Variants in N4BP2 observed in about 807,000 individuals in gnomAD.
The protein encoded by N4BP2 is NEDD4 binding protein 2, also known as NEDD4-binding protein 2.
A neutral mutation model predicts 152.8 loss-of-function variants in N4BP2; 91 were observed. The observed-to-expected ratio is 0.60, with a 90% CI of 0.50 to 0.71. The LOEUF (loss-of-function observed/expected upper bound fraction) is 0.71, where lower values mean the gene tolerates loss of function less well. N4BP2 is among the 30% of genes least tolerant of loss of function. The pLI is 0.00. For synonymous variants in N4BP2, 646 were observed against 705.3 expected (o/e 0.92, Z 1.33); for missense variants, 1,923 against 2,059.1 (o/e 0.93, Z 1.28).
chr4:40,081,804 C>T (rs1194339004), intron 2 of N4BP2, among the ~76,000 whole-genome samples: 1 of 151,078 alleles, frequency 6.6e-6, no homozygotes, highest in East Asian at 2.0e-4. Flanking sequence ...GGTGAAACCC[C>T]ATCGCTACTA....
In N4BP2 at chr4:40,136,906, A is replaced by T; in HGVS notation, c.4647-38A>T. ...TTAATGTCCCACACAACTTATTTTC[A>T]TTTATTGACATTATGTTTCTACTTA... On this transcript the variant is annotated intron_variant, in intron 13 of 17. Transcript: ENST00000261435. 6 of 1,485,868 alleles carry T rather than the reference A, an allele frequency of 4.0e-6. 1 individual carries two copies. The South Asian group carries it at 7.3e-5, about 18-fold the overall frequency. 92.0% of individuals were successfully genotyped at this position (1,485,868 alleles called of 1,614,324 possible).
At chr4:40,129,092 C>A (rs533012383) in intron 12 of N4BP2, among the ~76,000 whole-genome samples, 1 of 152,112 alleles carries the variant, frequency 6.6e-6, no homozygotes, top group Non-Finnish European at 1.5e-5. Context: ...GGCTTTGTTA[C>A]AGGCTGGAGT....
chr4:40,084,804 A>G (rs1713772602), intron 2 of N4BP2, among the ~76,000 whole-genome samples: 1 of 150,460 alleles, frequency 6.6e-6, no homozygotes, highest in African/African-American at 2.4e-5. Flanking sequence ...TGGTAGAGAC[A>G]GGGTTTCTCC....
the N4BP2 span, among the ~76,000 whole-genome samples, chr4:40,187,192 A>T: frequency 1.3e-5 from 2 of 152,078 alleles, no homozygotes; most frequent in Non-Finnish European, 2.9e-5. Flanking sequence ...GTCAACTATA[A>T]AATTTCTCTT....
chr4:40,185,842 C>T, the N4BP2 span, among the ~76,000 whole-genome samples: 3 of 152,222 alleles, frequency 2.0e-5, no homozygotes, highest in East Asian at 1.9e-4. Flanking sequence ...ATAATGAGAA[C>T]GCAGCAGGCT....
intron 4 of N4BP2, among the ~76,000 whole-genome samples, chr4:40,103,516 A>G (rs1358127541): frequency 6.6e-6 from 1 of 152,200 alleles, no homozygotes; most frequent in East Asian, 1.9e-4. Context: ...TGGGAGAAAG[A>G]TGAGTTCAGC....
intron 5 of N4BP2, among the ~76,000 whole-genome samples, chr4:40,109,456 G>T (rs1281323205): frequency 6.6e-6 from 1 of 152,176 alleles, no homozygotes; most frequent in African/African-American, 2.4e-5. Flanking sequence ...GGTGGCTCAT[G>T]CCTGTAATTC....
At chr4:40,129,556 A>G (rs1035454040) in intron 12 of N4BP2, among the ~76,000 whole-genome samples, 6 of 152,068 alleles carry the variant, frequency 3.9e-5, no homozygotes, top group East Asian at 1.9e-4. Flanking sequence ...ATTGGGTAAT[A>G]TAATAGAAGC....
chr4:40,118,357 G>A (rs900964689), intron 8 of N4BP2, among the ~76,000 whole-genome samples: 4 of 152,052 alleles, frequency 2.6e-5, no homozygotes, highest in Admixed American at 1.3e-4. Flanking sequence ...CAGAGGTTGC[G>A]GTGAGCTGAG....
Position 40,109,650 on chromosome 4 carries a change from G to A in N4BP2, c.1499-2434G>A, listed in dbSNP as rs527468025. ...GGAGAATTGCTTGAACCTGGGAGGC[G>A]GAGGTTTCAGTGAGTCAGGATCCCA... On this transcript the variant is annotated intron_variant, in intron 5 of 17. Transcript: ENST00000261435. 2.1e-3 allele frequency among the ~76,000 whole-genome samples: 316 copies of A among 152,008 alleles called. 2 individuals are homozygous for A. Among genetic ancestry groups the A allele is most frequent in the African/African-American group, 7.1e-3 (296 of 41,458 alleles).
At chr4:40,139,198 CTTTT>C (rs1434158868) in intron 14 of N4BP2, among the ~76,000 whole-genome samples, 1 of 151,686 alleles carries the variant, frequency 6.6e-6, no homozygotes, top group Admixed American at 6.6e-5. Flanking sequence ...GGAATTATTT[CTTTT>C]GTTTGTTTTG....
At chr4:40,077,151 G>A (rs1411882348) in intron 2 of N4BP2, among the ~76,000 whole-genome samples, 6 of 151,838 alleles carry the variant, frequency 4.0e-5, no homozygotes, top group Non-Finnish European at 8.8e-5. Context: ...ATATGTGTGT[G>A]TGTGTGTGTG....
intron 16 of N4BP2, among the ~76,000 whole-genome samples, chr4:40,148,491 G>GGGGAGA (rs1720835405): frequency 2.0e-5 from 3 of 148,926 alleles, no homozygotes; most frequent in South Asian, 2.1e-4. Context: ...GGAGGGGGAG[G>GGGGAGA]GGGAGAGGGA....
rs759180625 is a variant in N4BP2, at chr4:40,119,962, A to C, written c.1851A>C (p.Glu617Asp). The C allele has an allele frequency of 6.7e-7, 1 of 1,489,844 alleles. No individual in the cohort carries two copies. The highest frequency in any genetic ancestry group is 1.2e-5 in the South Asian group (1 of 80,282). 92.3% of individuals were successfully genotyped at this position (1,489,844 alleles called of 1,614,324 possible). A position where few individuals can be genotyped will look rare whatever the true frequency, so the allele number is the denominator to read the frequency against. ...SPRDDEDIIS[E>D]KEENILSLSL... ...GAGACGATGAAGATATTATCTCTGA[A>C]AAAGAAGAAAATATTTTATCTTTAT... Residue 617 changes from glutamate to aspartate, a missense_variant, in exon 9 of 18, where the codon GAA (glutamate) becomes GAC (aspartate). Coordinates refer to ENST00000261435, the MANE Select transcript of N4BP2 (RefSeq NM_018177.6).
At chr4:40,164,317 A>G in the N4BP2 span, among the ~76,000 whole-genome samples, 5 of 152,168 alleles carry the variant, frequency 3.3e-5, no homozygotes, top group African/African-American at 9.7e-5. Context: ...AGTTCAGAAT[A>G]TTAGGATGTG....
chr4:40,082,989 C>T lies in N4BP2; in HGVS notation c.-115+9438C>T, dbSNP rs190144191. ...TGCTGGGATTACAAGTGTGAGCCAC[C>T]GCACCCGGCCGGGCTGTATTCTTAC... is the stretch of plus-strand genomic sequence containing the variant. On this transcript the variant is annotated intron_variant, in intron 2 of 17. Transcript: ENST00000261435. The T allele has an allele frequency of 4.9e-3, 1,151 of 232,570 alleles. 8 individuals carry two copies. The highest frequency in any genetic ancestry group is 0.023 in the African/African-American group (1,006 of 43,398). The allele number at this position is 232,570 out of a possible 1,614,324, so 14.4% of individuals were successfully genotyped here. A position where few individuals can be genotyped will look rare whatever the true frequency, so the allele number is the denominator to read the frequency against.
At position 40,114,030 on chromosome 4, in the gene N4BP2, C is replaced by T. The variant is rs573342877; in HGVS notation, c.1664+522C>T. Among the ~76,000 whole-genome samples, 8 of 152,250 alleles carry T rather than the reference C, an allele frequency of 5.3e-5. No homozygotes were observed. The South Asian group carries it at 6.2e-4, about 12-fold the overall frequency. On this transcript the variant is annotated intron_variant, in intron 7 of 17. Coordinates refer to ENST00000261435, the MANE Select transcript of N4BP2 (RefSeq NM_018177.6). ...TGATTTAGAGCACTGGAAGGTAGTA[C>T]GGATATAGAGATGGAAAAGGTAGCA... is the stretch of plus-strand genomic sequence containing the variant.
At chr4:40,177,735 C>T in the N4BP2 span, among the ~76,000 whole-genome samples, 1 of 152,088 alleles carries the variant, frequency 6.6e-6, no homozygotes, top group Non-Finnish European at 1.5e-5. Context: ...GTGTCAGATC[C>T]CTCATTTGTA....
intron 5 of N4BP2, among the ~76,000 whole-genome samples, chr4:40,108,284 C>G (rs1322012017): frequency 6.6e-6 from 1 of 151,866 alleles, no homozygotes; most frequent in Non-Finnish European, 1.5e-5. Flanking sequence ...TGGAATTTGA[C>G]CAGTTAACCA....
Sources: allele counts gnomAD v4.1 joint callset (sites outside exome capture counted in the v4.1 genomes callset), GRCh38; gene constraint gnomAD v4.1.1; transcripts MANE v1.5; gene names NCBI Gene and HGNC (gene_info 2026-07-23, HGNC 2026-07-21).